The following TIMM23B variants were observed in gnomAD, a reference collection of about 807,000 sequenced individuals.
TIMM23B encodes mitochondrial import inner membrane translocase subunit Tim23B.
Under a neutral mutation model 27.3 loss-of-function variants are expected in TIMM23B, and 27 were observed. That is an observed-to-expected ratio of 0.99 (90% CI 0.73 to 1.36). TIMM23B has a LOEUF of 1.36. TIMM23B is among the 40% of genes most tolerant of loss of function. The pLI is 0.00. For synonymous variants in TIMM23B, 73 were observed against 92.4 expected, an observed-to-expected ratio of 0.79 and a Z score of 1.21; for missense variants, 205 against 244.2, an observed-to-expected ratio of 0.84 and a Z score of 1.07.
At chr10:49,950,063 CT>C (rs1238099387) in intron 2 of TIMM23B, among the ~76,000 whole-genome samples, 5 of 151,906 alleles carry the variant, frequency 3.3e-5, no homozygotes, top group African/African-American at 9.7e-5. Flanking sequence ...CTCATTGAAA[CT>C]TTTTTTTAAA....
intron 6 of TIMM23B, among the ~76,000 whole-genome samples, chr10:49,959,542 T>G (rs1297523713): frequency 6.6e-6 from 1 of 152,228 alleles, no homozygotes; most frequent in Non-Finnish European, 1.5e-5. Flanking sequence ...TAATTTTTAT[T>G]TTTATCAAAA....
rs1839326941 is a variant in TIMM23B at position 49,945,497 on chromosome 10, C to T, written c.165+407C>T. On this transcript the variant is annotated intron_variant, in intron 2 of 6. Transcript: ENST00000651259. ...CCAAATTCAGGCCATCGTCCTGCCT[C>T]AGCCTCCCGAGTAGCTGGGACTACA... Among the ~76,000 whole-genome samples the T allele has an allele frequency of 3.9e-5, 6 of 152,306 alleles. No individual in the cohort carries two copies. The South Asian group carries it at 1.2e-3, about 32-fold the overall frequency.
chr10:49,971,681 G>A (rs1339250265), intron 6 of TIMM23B, among the ~76,000 whole-genome samples: 5 of 152,128 alleles, frequency 3.3e-5, no homozygotes, highest in South Asian at 2.1e-4. Context: ...GCTTCTCCCC[G>A]TTGAGCCCAT....
Position 49,942,232 on chromosome 10 carries a change from G to T in TIMM23B, c.38G>T (p.Gly13Val). 6.2e-7 allele frequency: 1 copy of T among 1,612,730 alleles called. No individual in the cohort carries two copies. The highest frequency in any genetic ancestry group is 8.5e-7 in the Non-Finnish European group (1 of 1,179,376). ...GGGGSGDKTTGVLAGFFGAGE... is the reference protein window; with the variant it reads ...GGGGSGDKTTVVLAGFFGAGE... ...GGGGGAAGCGGCGACAAAACCACAG[G>T]GGTATTGGCCGGCTTTTTCGGAGCC... The change falls in exon 1 of 7, where the codon GGG becomes GTG. Residue 13 changes from glycine (G) to valine (V), a missense_variant. By Grantham distance (109) the Gly-to-Val change is moderately radical. Transcript: ENST00000651259.
chr10:49,952,234 C>T lies in TIMM23B; in HGVS notation c.259+15C>T. ...TTGCATGACAGGTGAGTGTTACATA[C>T]TTTTTTCTCAAGAGTGCTCAGTTCA... On this transcript the variant is annotated intron_variant, in intron 3 of 6. Transcript: ENST00000651259. 1 of 1,600,100 alleles carries T rather than the reference C, an allele frequency of 6.2e-7. No individual in the cohort carries two copies. Among genetic ancestry groups the T allele is most frequent in the South Asian group, 1.1e-5 (1 of 90,774 alleles).
chr10:49,969,728 T>G (rs2805322), intron 6 of TIMM23B, among the ~76,000 whole-genome samples: 1 of 151,630 alleles, frequency 6.6e-6, no homozygotes, highest in South Asian at 2.1e-4. Context: ...TATTCTGCCT[T>G]TAAAAAGAAA....
intron 6 of TIMM23B, among the ~76,000 whole-genome samples, chr10:49,971,675 C>A (rs1279343104): frequency 2.0e-5 from 3 of 152,168 alleles, no homozygotes; most frequent in Non-Finnish European, 1.5e-5. Context: ...TGCATAGCTT[C>A]TCCCCGTTGA....
At chr10:49,968,743 G>T (rs1386024443) in intron 6 of TIMM23B, among the ~76,000 whole-genome samples, 1 of 152,102 alleles carries the variant, frequency 6.6e-6, no homozygotes, top group Non-Finnish European at 1.5e-5. Flanking sequence ...GCTGAGACAG[G>T]AGAATGGCGT....
intron 6 of TIMM23B, among the ~76,000 whole-genome samples, chr10:49,966,096 A>ATGACT: frequency 8.0e-6 from 1 of 124,466 alleles, no homozygotes; most frequent in Admixed American, 8.0e-5. Context: ...ATGACATGAC[A>ATGACT]TGATGAAATG....
intron 2 of TIMM23B, among the ~76,000 whole-genome samples, chr10:49,949,299 TAA>T (rs1308500546): frequency 2.0e-5 from 3 of 151,906 alleles, no homozygotes; most frequent in Admixed American, 2.0e-4. Context: ...TTGTTTGCGT[TAA>T]GTGTTCAAAT....
chr10:49,947,145 T>C (rs1416536352), intron 2 of TIMM23B, among the ~76,000 whole-genome samples: 3 of 152,222 alleles, frequency 2.0e-5, no homozygotes, highest in Non-Finnish European at 2.9e-5. Flanking sequence ...AAGACTTAAA[T>C]GTAAACCGAA....
intron 6 of TIMM23B, among the ~76,000 whole-genome samples, chr10:49,969,797 G>C (rs1209129390): frequency 6.6e-6 from 1 of 151,338 alleles, no homozygotes; most frequent in Non-Finnish European, 1.5e-5. Flanking sequence ...CTCTCCCCAC[G>C]GTCTCCCTCT....
In TIMM23B at chr10:49,962,281, C is replaced by A. The variant is rs1839946330; in HGVS notation, c.514+3801C>A. Among the ~76,000 whole-genome samples the A allele has an allele frequency of 4.0e-5, 6 of 151,556 alleles. No homozygotes were observed. The South Asian group carries it at 1.2e-3, about 32-fold the overall frequency. ...GCAGTGGCACAATCTTGGCTCACTG[C>A]AACCTCCACCTCCTGGGTTCAAGCG... is the stretch of plus-strand genomic sequence containing the variant. On this transcript the variant is annotated intron_variant, in intron 6 of 6. Coordinates refer to ENST00000651259, the MANE Select transcript of TIMM23B (RefSeq NM_001290117.2).
intron 4 of TIMM23B, chr10:49,954,227 A>G: frequency 3.7e-6 from 1 of 269,120 alleles, no homozygotes; most frequent in Non-Finnish European, 7.6e-6. Flanking sequence ...AGCAGTAGTC[A>G]GCTGTCTGGA....
intron 5 of TIMM23B, among the ~76,000 whole-genome samples, chr10:49,957,519 G>A (rs1334111957): frequency 2.0e-5 from 3 of 152,092 alleles, no homozygotes; most frequent in Admixed American, 1.3e-4. Flanking sequence ...GCCTCCCAGA[G>A]TGCTGGGATT....
intron 4 of TIMM23B, chr10:49,954,455 T>C (rs1257134352): frequency 1.0e-5 from 2 of 196,894 alleles, no homozygotes; most frequent in African/African-American, 4.7e-5. Flanking sequence ...GGCTGATTCC[T>C]TCTCTTTAAT....
At position 49,942,256 on chromosome 10, in the gene TIMM23B, C is replaced by T. The variant is rs201551654; in HGVS notation, c.62C>T (p.Ala21Val). 3.5e-4 allele frequency: 561 copies of T among 1,612,506 alleles called. No homozygotes were observed. Among genetic ancestry groups the T allele is most frequent in the Non-Finnish European group, 3.7e-4 (440 of 1,179,306 alleles). The change falls in exon 1 of 7, where the codon GCC (alanine) becomes GTC (valine). Residue 21 changes from alanine to valine, a missense_variant. Ala to Val is a moderately conservative substitution (Grantham distance 64, BLOSUM62 0). Coordinates refer to ENST00000651259, the MANE Select transcript of TIMM23B (RefSeq NM_001290117.2). ...GGGGTATTGGCCGGCTTTTTCGGAG[C>T]CGGCGAAGCAGGTTACTCGCACGCG... ...TTGVLAGFFG[A>V]GEAGYSHADL...
chr10:49,945,408 T>C lies in TIMM23B; in HGVS notation c.165+318T>C, dbSNP rs1319440189. On this transcript the variant is annotated intron_variant, in intron 2 of 6. Transcript: ENST00000651259. ...TGTTTGTTTGTTTTTGAGCCAGAGTTTTGCTTTTGTCCTCCAGGCTGGAGT... is the reference window on the plus strand; with the variant it reads ...TGTTTGTTTGTTTTTGAGCCAGAGTCTTGCTTTTGTCCTCCAGGCTGGAGT... 4.6e-5 allele frequency among the ~76,000 whole-genome samples: 7 copies of C among 152,302 alleles called. No individual in the cohort carries two copies. In the East Asian group the frequency reaches 9.6e-4, roughly 21 times the overall value.
At chr10:49,949,383 T>C (rs1288987924) in intron 2 of TIMM23B, among the ~76,000 whole-genome samples, 1 of 152,190 alleles carries the variant, frequency 6.6e-6, no homozygotes, top group African/African-American at 2.4e-5. Context: ...TCAAATGTTA[T>C]ATTTTAACAT....
Sources: allele counts gnomAD v4.1 joint callset (sites outside exome capture counted in the v4.1 genomes callset), GRCh38; gene constraint gnomAD v4.1.1; transcripts MANE v1.5; gene names NCBI Gene and HGNC (gene_info 2026-07-23, HGNC 2026-07-21).